Variants in POTEF observed in about 807,000 individuals in gnomAD.
POTEF encodes ANKRD26-like family C member 1B.
In POTEF, 20 loss-of-function variants were observed where a neutral mutation model predicts 83.2. The ratio of observed to expected loss-of-function variants is 0.24; its 90% confidence interval spans 0.17 to 0.35. The LOEUF (loss-of-function observed/expected upper bound fraction) is 0.35. Ranked by LOEUF, POTEF falls within the 10% of genes least tolerant of loss-of-function variation. The pLI is 1.00. For missense variants in POTEF, 550 were observed against 1,203.2 expected, an observed-to-expected ratio of 0.46 and a Z score of 8.03; for synonymous variants, 196 against 446.4, an observed-to-expected ratio of 0.44 and a Z score of 7.07.
At chr2:130,108,917 C>CA (rs1427590433) in intron 7 of POTEF, among the ~76,000 whole-genome samples, 1 of 151,022 alleles carries the variant, frequency 6.6e-6, no homozygotes, top group Non-Finnish European at 1.5e-5. Context: ...TATTGATGTT[C>CA]AATTCCAGCT....
chr2:130,125,587 C>T (rs542628856), intron 2 of POTEF, among the ~76,000 whole-genome samples: 71 of 151,108 alleles, frequency 4.7e-4, no homozygotes, highest in East Asian at 5.9e-4. Flanking sequence ...AAAGAGGGCT[C>T]GACACTGCAG....
At chr2:130,095,016 C>A (rs1486582970) in intron 11 of POTEF, among the ~76,000 whole-genome samples, 1 of 151,178 alleles carries the variant, frequency 6.6e-6, no homozygotes, top group Non-Finnish European at 1.5e-5. Flanking sequence ...AGGAAAGAAC[C>A]ATGTCAAACT....
At chr2:130,114,254 G>A (rs1469162755) in intron 5 of POTEF, among the ~76,000 whole-genome samples, 1 of 151,552 alleles carries the variant, frequency 6.6e-6, no homozygotes, top group Non-Finnish European at 1.5e-5. Context: ...AGAGAACCTT[G>A]TCTCACCATG....
intron 8 of POTEF, among the ~76,000 whole-genome samples, chr2:130,105,369 G>A (rs1199065781): frequency 1.5e-4 from 23 of 151,448 alleles, no homozygotes; most frequent in Admixed American, 5.9e-4. Flanking sequence ...CACTAAGGAC[G>A]GGTGAAAACC....
At chr2:130,125,397 C>G (rs1265229734) in intron 2 of POTEF, among the ~76,000 whole-genome samples, 2 of 149,976 alleles carry the variant, frequency 1.3e-5, no homozygotes, top group African/African-American at 5.1e-5. Flanking sequence ...CGGTATATTA[C>G]ATGCTCATAA....
At chr2:130,117,806 T>C (rs890985886) in intron 3 of POTEF, among the ~76,000 whole-genome samples, 1 of 152,104 alleles carries the variant, frequency 6.6e-6, no homozygotes, top group Non-Finnish European at 1.5e-5. Context: ...CATAACATTT[T>C]AAAAATGTGG....
chr2:130,107,591 A>G, intron 8 of POTEF: 1 of 239,386 alleles, frequency 4.2e-6, no homozygotes, highest in South Asian at 5.5e-5. Flanking sequence ...GGCTCATATT[A>G]CAGCCTCTAC....
intron 2 of POTEF, among the ~76,000 whole-genome samples, chr2:130,122,941 G>A (rs1365401896): frequency 1.3e-5 from 2 of 148,498 alleles, no homozygotes; most frequent in Non-Finnish European, 1.5e-5. Flanking sequence ...CTAAAACACA[G>A]ACAATCTCAC....
At position 130,075,050 on chromosome 2, in the gene POTEF, C is replaced by T. The variant is rs201946907; in HGVS notation, c.2422G>A (p.Ala808Thr). 261 of 1,613,774 alleles carry T rather than the reference C, an allele frequency of 1.6e-4. 9 individuals carry two copies. The African/African-American group carries it at 2.9e-3, about 18-fold the overall frequency. Residue 808 changes from alanine to threonine, a missense_variant, in exon 17 of 17, where the codon GCC (alanine) becomes ACC (threonine). Coordinates refer to ENST00000409914, the MANE Select transcript of POTEF (RefSeq NM_001099771.2). ...PEEHPVLLTE[A>T]TLNPKANREK... ...CGGTTGGCCTTAGGGTTCAGGGTGG[C>T]CTCGGTCAGCAGGACGGGGTGCTCC... is the stretch of plus-strand genomic sequence containing the variant.
chr2:130,103,130 CT>C (rs1441486614), intron 8 of POTEF, among the ~76,000 whole-genome samples: 1 of 138,564 alleles, frequency 7.2e-6, no homozygotes, highest in Non-Finnish European at 1.5e-5. Context: ...GAGCCAGGGT[CT>C]TGCTCTGTCA....
At chr2:130,104,303 CA>C (rs1427840102) in intron 8 of POTEF, among the ~76,000 whole-genome samples, 2 of 142,008 alleles carry the variant, frequency 1.4e-5, no homozygotes, top group East Asian at 4.1e-4. Context: ...GACAATAAAG[CA>C]AAGAAACCAC....
In POTEF at chr2:130,125,650, C is replaced by T. The variant is rs181389851; in HGVS notation, c.-94+2059G>A. Among the ~76,000 whole-genome samples the T allele has an allele frequency of 1.6e-3, 237 of 152,066 alleles. 4 individuals are homozygous for T. The highest frequency in any genetic ancestry group is 5.6e-3 in the African/African-American group (233 of 41,380). On this transcript the variant is annotated intron_variant, in intron 2 of 16. Transcript: ENST00000409914. ...CTTGTTTTTGGTTGTGAATCTTTGC[C>T]TTAAAATACACACAGCTGACCGAGG...
At chr2:130,108,849 A>C (rs1051788908) in intron 7 of POTEF, among the ~76,000 whole-genome samples, 23 of 149,684 alleles carry the variant, frequency 1.5e-4, no homozygotes, top group Non-Finnish European at 2.7e-4. Flanking sequence ...TGGACCAACG[A>C]TCCTTCTCTA....
rs768824749 is a variant in POTEF at position 130,115,276 on chromosome 2, G to A, written c.574C>T (p.Leu192=). The change falls in exon 4 of 17, where the codon CTG becomes TTG. Residue 192 remains leucine (L), a synonymous_variant. Coordinates refer to ENST00000409914, the MANE Select transcript of POTEF (RefSeq NM_001099771.2). ...ANGNSEVVKL[L]LDRRCQLNVL... is the part of the protein sequence containing the mutation. ...TTAAGTTGACATCGTCTGTCCAGCA[G>A]GAGTTTTACTACTTCTGAATTCCCA... is the stretch of plus-strand genomic sequence containing the variant. 2 of 1,613,260 alleles carry A rather than the reference G, an allele frequency of 1.2e-6. No homozygotes were observed. Among genetic ancestry groups the A allele is most frequent in the Middle Eastern group, 1.8e-4 (1 of 5,674 alleles).
chr2:130,128,548 AC>A (rs60783655), intron 1 of POTEF, among the ~76,000 whole-genome samples: 40,613 of 78,286 alleles, frequency 0.52, 9,489 homozygotes, highest in Admixed American at 0.61. Context: ...TAACCCCAAT[AC>A]CCCCCCCAAC....
At chr2:130,124,448 G>C (rs1161906101) in intron 2 of POTEF, among the ~76,000 whole-genome samples, 1 of 111,116 alleles carries the variant, frequency 9.0e-6, no homozygotes, top group African/African-American at 3.9e-5. Context: ...TATCTGACCT[G>C]TCCTGTATTT....
rs551990652 is a variant in POTEF at position 130,120,359 on chromosome 2, C to T, written c.157G>A (p.Ala53Thr). 3.3e-5 allele frequency: 53 copies of T among 1,601,950 alleles called. 1 individual carries two copies. Among genetic ancestry groups the T allele is most frequent in the South Asian group, 3.0e-4 (27 of 90,864 alleles). ...VGTSGDHDDS[A>T]MKTLRSKMGK... ...ATCTTGCTCCTGAGTGTCTTCATAGCAGAGTCGTCGTGGTCTCCAGAAGTG... is the reference window on the plus strand; with the variant it reads ...ATCTTGCTCCTGAGTGTCTTCATAGTAGAGTCGTCGTGGTCTCCAGAAGTG... The change falls in exon 3 of 17, where the codon GCT becomes ACT. Residue 53 changes from alanine (A) to threonine (T), a missense_variant. Ala to Thr is a moderately conservative substitution (Grantham distance 58). Transcript: ENST00000409914.
chr2:130,127,397 T>C (rs1214535605), intron 2 of POTEF, among the ~76,000 whole-genome samples: 1 of 126,794 alleles, frequency 7.9e-6, no homozygotes, highest in Non-Finnish European at 1.6e-5. Flanking sequence ...TTGTTAAGAA[T>C]GAGACAATGC....
chr2:130,120,228 G>C lies in POTEF; in HGVS notation c.288C>G (p.Asn96Lys), dbSNP rs759001401. The change falls in exon 3 of 17, where the codon AAC becomes AAG. Residue 96 changes from asparagine (N) to lysine (K), a missense_variant. Asn to Lys is a moderately conservative substitution (Grantham distance 94). Transcript: ENST00000409914. ...HDDSAMKTLR[N>K]KMGKWCCHCF... is the part of the protein sequence containing the mutation. Reference sequence around the variant, plus strand: ...AGTGGCAGCACCACTTGCCCATCTTGTTCCTGAGTGTCTTCATAGCAGAGT... The same window carrying C: ...AGTGGCAGCACCACTTGCCCATCTTCTTCCTGAGTGTCTTCATAGCAGAGT... The C allele has an allele frequency of 6.3e-7, 1 of 1,599,550 alleles. No individual in the cohort carries two copies. Among genetic ancestry groups the C allele is most frequent in the Non-Finnish European group, 8.5e-7 (1 of 1,175,274 alleles).
Sources: gnomAD v4.1 joint callset for allele counts (sites outside exome capture counted in the v4.1 genomes callset) on GRCh38, gnomAD v4.1.1 for gene constraint, MANE v1.5 for transcripts, NCBI Gene and HGNC (gene_info 2026-07-23, HGNC 2026-07-21) for gene names.